CCDC169: variants seen among roughly 807,000 people sequenced by gnomAD.
CCDC169 encodes the protein coiled-coil domain containing 169, also known as coiled-coil domain-containing protein 169.
In CCDC169, 30 loss-of-function variants were observed where a neutral mutation model predicts 36.0. The ratio of observed to expected loss-of-function variants is 0.83; its 90% CI spans 0.62 to 1.13. The LOEUF is 1.13. CCDC169 is among the 50% of genes most tolerant of loss of function. CCDC169 has a pLI of 0.00. For missense variants in CCDC169, 245 were observed against 245.9 expected (o/e 1.00, Z 0.03); for synonymous variants, 85 against 81.5 (o/e 1.04, Z -0.23).
At chr13:36,224,678 G>C (rs1400631297), downstream of CCDC169, 1 of 152,124 alleles carries the variant, frequency 6.6e-6, no homozygotes, top group Non-Finnish European at 1.5e-5. Flanking sequence ...CATATTCATG[G>C]GGTGGAAGAA....
intron 7 of CCDC169, among the ~76,000 whole-genome samples, chr13:36,243,138 C>T (rs1872058175): frequency 1.3e-5 from 2 of 152,152 alleles, no homozygotes; most frequent in Non-Finnish European, 2.9e-5. Flanking sequence ...GCGCTATAGC[C>T]CTACTCCCTC....
chr13:36,257,579 T>G (rs1207850011), intron 4 of CCDC169, among the ~76,000 whole-genome samples: 1 of 152,086 alleles, frequency 6.6e-6, no homozygotes, highest in Admixed American at 6.6e-5. Flanking sequence ...GGCAAACGCC[T>G]GTAGTCCCAG....
intron 6 of CCDC169, 81 bp from the exon 7 acceptor site, chr13:36,248,763 A>G: frequency 7.7e-7 from 1 of 1,292,918 alleles, no homozygotes; most frequent in Non-Finnish European, 1.1e-6. Flanking sequence ...ATTCTCAATT[A>G]ACTCTCCCAT....
At chr13:36,257,740 A>G (rs893588177) in intron 4 of CCDC169, among the ~76,000 whole-genome samples, 2 of 151,982 alleles carry the variant, frequency 1.3e-5, no homozygotes, top group African/African-American at 4.8e-5. Context: ...CTACCTTACT[A>G]GATTGAGCTC....
intron 7 of CCDC169, among the ~76,000 whole-genome samples, chr13:36,239,058 C>CTGTCCATA (rs574258324): frequency 1.2e-3 from 176 of 152,082 alleles, no homozygotes; most frequent in African/African-American, 4.1e-3. Flanking sequence ...TGGCAAGACC[C>CTGTCCATA]TGTCCATATT....
chr13:36,254,771 A>T (rs1018845113), intron 4 of CCDC169, among the ~76,000 whole-genome samples: 6 of 152,200 alleles, frequency 3.9e-5, no homozygotes, highest in Non-Finnish European at 8.8e-5. Flanking sequence ...AATAGTAGCT[A>T]AACTAACAAG....
intron 4 of CCDC169, among the ~76,000 whole-genome samples, chr13:36,264,267 T>G (rs948176721): frequency 6.6e-6 from 1 of 151,986 alleles, no homozygotes; most frequent in African/African-American, 2.4e-5. Flanking sequence ...CTTCAGAAGT[T>G]TTTAAAAGAA....
intron 7 of CCDC169, among the ~76,000 whole-genome samples, chr13:36,234,014 T>C (rs953907289): frequency 6.6e-6 from 1 of 152,180 alleles, no homozygotes; most frequent in African/African-American, 2.4e-5. Flanking sequence ...AGAAGAAACA[T>C]TTACCATCTA....
chr13:36,241,913 C>A (rs1328638965), intron 7 of CCDC169, among the ~76,000 whole-genome samples: 2 of 152,074 alleles, frequency 1.3e-5, no homozygotes, highest in African/African-American at 4.8e-5. Flanking sequence ...GGGCGGACCT[C>A]CCCCTTAGTG....
At chr13:36,266,488 C>T (rs1291891399) in intron 4 of CCDC169, among the ~76,000 whole-genome samples, 1 of 152,162 alleles carries the variant, frequency 6.6e-6, no homozygotes, top group Non-Finnish European at 1.5e-5. Context: ...TATCAGGGCC[C>T]TGTCCTTCAC....
At chr13:36,267,534 T>C (rs1170940) in intron 4 of CCDC169, among the ~76,000 whole-genome samples, 22,492 of 151,942 alleles carry the variant, frequency 0.15, 1,705 homozygotes, top group Admixed American at 0.18. Flanking sequence ...ACAGGGACTA[T>C]AAAACAATAA....
intron 4 of CCDC169, among the ~76,000 whole-genome samples, chr13:36,270,793 A>G (rs1875949840): frequency 6.6e-6 from 1 of 151,376 alleles, no homozygotes; most frequent in African/African-American, 2.4e-5. Flanking sequence ...AAAGACTTAC[A>G]TATAAGATCT....
chr13:36,297,775 C>G lies in CCDC169; in HGVS notation c.-56G>C, dbSNP rs961568387. 3 of 1,488,158 alleles carry G rather than the reference C, an allele frequency of 2.0e-6. No individual in the cohort carries two copies. Among genetic ancestry groups the G allele is most frequent in the Non-Finnish European group, 2.7e-6 (3 of 1,094,526 alleles). 92.2% of individuals were successfully genotyped at this position (1,488,158 alleles called of 1,614,324 possible). On this transcript the variant is annotated 5_prime_UTR_variant, in exon 1 of 8. The change abolishes an upstream ATG in the 5' untranslated region. Coordinates refer to ENST00000239859, the MANE Select transcript of CCDC169 (RefSeq NM_001144981.3). ...CCCCTCAGCACCTTAGAGCACAAGA[C>G]ATTAAGGGCCACCCAGAAGCCAGTA...
At chr13:36,265,222 C>A (rs1594049777) in intron 4 of CCDC169, among the ~76,000 whole-genome samples, 1 of 152,272 alleles carries the variant, frequency 6.6e-6, no homozygotes, top group South Asian at 2.1e-4. Context: ...GTTTGCCCTG[C>A]AAATTCAATT....
chr13:36,223,443 A>C (rs1869714305), downstream of CCDC169: 1 of 152,208 alleles, frequency 6.6e-6, no homozygotes, highest in South Asian at 2.1e-4. Context: ...AAATTGCTTT[A>C]ATAAAGTTAA....
chr13:36,250,330 C>T (rs1814176028), intron 6 of CCDC169, among the ~76,000 whole-genome samples: 1 of 152,124 alleles, frequency 6.6e-6, no homozygotes, highest in South Asian at 2.1e-4. Flanking sequence ...CAGGAACAGC[C>T]AAGTTGAAGA....
At chr13:36,222,478 A>C (rs1057078858), downstream of CCDC169, 1 of 152,172 alleles carries the variant, frequency 6.6e-6, no homozygotes, top group Non-Finnish European at 1.5e-5. Flanking sequence ...GCAGAGTGCC[A>C]CACAGGCCTG....
rs1397698905 is a variant in CCDC169 at position 36,231,256 on chromosome 13, A to G, written c.582T>C (p.Ser194=). Residue 194 remains serine, a synonymous_variant, in exon 8 of 8, where the codon AGT becomes AGC. Coordinates refer to ENST00000239859, the MANE Select transcript of CCDC169 (RefSeq NM_001144981.3). ...TCTTTTTTACTGGTCCTCTCTTGGC[A>G]CTCACTGTCTTCTGCTTAGCTGGAT... ...RYNPAKQKTV[S]AKRGPVKKIT... is the part of the protein sequence containing the mutation. The G allele has an allele frequency of 1.3e-6, 2 of 1,551,394 alleles. No individual in the cohort carries two copies. Among genetic ancestry groups the G allele is most frequent in the South Asian group, 1.2e-5 (1 of 84,056 alleles).
intron 4 of CCDC169, among the ~76,000 whole-genome samples, chr13:36,255,017 T>C (rs1040784746): frequency 3.9e-5 from 6 of 152,106 alleles, no homozygotes; most frequent in African/African-American, 1.4e-4. Context: ...GGCTTCTGCC[T>C]GTTGTGGTCA....
Sources: allele counts gnomAD v4.1 joint callset (sites outside exome capture counted in the v4.1 genomes callset), GRCh38; gene constraint gnomAD v4.1.1; transcripts MANE v1.5; gene names NCBI Gene and HGNC (gene_info 2026-07-23, HGNC 2026-07-21).